Variants in GPC3 observed in about 807,000 individuals in gnomAD.
The protein encoded by GPC3 is glypican-3.
GPC3 carries 3 observed loss-of-function variants against 34.4 expected under a neutral mutation model. That is an observed-to-expected ratio of 0.09 (90% confidence interval 0.04 to 0.23). GPC3 has a LOEUF of 0.23. Among genes scored for constraint, GPC3 ranks in the 10% least tolerant of loss-of-function variants. The pLI is 1.00. For missense variants in GPC3, 351 were observed against 445.6 expected, an observed-to-expected ratio of 0.79 and a Z score of 1.91; for synonymous variants, 177 against 174.0, an observed-to-expected ratio of 1.02 and a Z score of -0.13.
chrX:133,809,595 C>A lies in GPC3; in HGVS notation c.338-55419G>T, dbSNP rs1234537124. ...CTGTTGGCCACAGAACATCCTCCTA[C>A]TCAGAGTCATTAGACAAATGAAAGG... On this transcript the variant is annotated intron_variant, in intron 2 of 7. Coordinates refer to ENST00000370818, the MANE Select transcript of GPC3 (RefSeq NM_004484.4). Among the ~76,000 whole-genome samples the A allele has an allele frequency of 2.7e-5, 3 of 111,740 alleles. No individual in the cohort carries two copies. The Admixed American group carries it at 2.8e-4, about 11-fold the overall frequency.
At position 133,849,084 on chromosome X, in the gene GPC3, CTTTTTTTT is replaced by C. The variant is rs60339728; in HGVS notation, c.338-94916_338-94909del. Among the ~76,000 whole-genome samples, 426 of 46,247 alleles carry C rather than the reference CTTTTTTTT, an allele frequency of 9.2e-3. 2 individuals carry two copies. Among genetic ancestry groups the C allele is most frequent in the African/African-American group, 0.033 (339 of 10,161 alleles). The allele number at this position is 46,247 out of a possible 115,157, so 40.2% of individuals were successfully genotyped here. A position where few individuals can be genotyped will look rare whatever the true frequency, so the allele number is the denominator to read the frequency against. ...AGATTACTAAGGAAAACTAAAGTTTCTTTTTTTTTTTTTTTTTTTTTTTTTTTTGAGAC... is the reference window on the plus strand; with the variant it reads ...AGATTACTAAGGAAAACTAAAGTTTCTTTTTTTTTTTTTTTTTTTTGAGAC... On this transcript the variant is annotated intron_variant, in intron 2 of 7. Coordinates refer to ENST00000370818, the MANE Select transcript of GPC3 (RefSeq NM_004484.4).
chrX:133,822,745 A>G, intron 2 of GPC3, among the ~76,000 whole-genome samples: 1 of 111,424 alleles, frequency 9.0e-6, no homozygotes, highest in Non-Finnish European at 1.9e-5. Flanking sequence ...GATGAAATTA[A>G]ACTAATTACC....
At chrX:133,591,100 G>A (rs889867846) in intron 7 of GPC3, among the ~76,000 whole-genome samples, 2 of 112,146 alleles carry the variant, frequency 1.8e-5, no homozygotes, top group South Asian at 3.8e-4. Flanking sequence ...GAAGCCAGCC[G>A]ATAGAGCTAC....
At chrX:133,729,763 T>A (rs1005427402) in intron 3 of GPC3, among the ~76,000 whole-genome samples, 3 of 112,326 alleles carry the variant, frequency 2.7e-5, no homozygotes, top group Non-Finnish European at 5.6e-5. Flanking sequence ...AGAATCTTCA[T>A]ACACATTGTC....
At chrX:133,750,060 G>A (rs34720263) in intron 3 of GPC3, among the ~76,000 whole-genome samples, 1 of 111,545 alleles carries the variant, frequency 9.0e-6, no homozygotes, top group Non-Finnish European at 1.9e-5. Flanking sequence ...GTTTAGTTCA[G>A]GCATTCCCCG....
At chrX:133,806,351 T>C (rs796940883) in intron 2 of GPC3, among the ~76,000 whole-genome samples, 21 of 111,919 alleles carry the variant, frequency 1.9e-4, no homozygotes, top group Non-Finnish European at 3.9e-4. Context: ...TAGAATTCTT[T>C]GGGCCTATCT....
chrX:133,701,341 G>C (rs1433458841), intron 3 of GPC3, among the ~76,000 whole-genome samples: 1 of 111,967 alleles, frequency 8.9e-6, no homozygotes, highest in African/African-American at 3.2e-5. Flanking sequence ...TTGAGGCTTA[G>C]GGAGTTAAGT....
chrX:133,638,724 G>A (rs1308320645), intron 6 of GPC3, among the ~76,000 whole-genome samples: 1 of 109,661 alleles, frequency 9.1e-6, no homozygotes, highest in Non-Finnish European at 1.9e-5. Flanking sequence ...TTTTAAATCA[G>A]GGGTGTACAA....
intron 2 of GPC3, among the ~76,000 whole-genome samples, chrX:133,766,183 A>G (rs184981389): frequency 8.9e-6 from 1 of 112,168 alleles, no homozygotes; most frequent in Admixed American, 9.4e-5. Flanking sequence ...ACATTAGGTA[A>G]AGTCAGCAAC....
In GPC3 at chrX:133,841,215, ATTT is replaced by A. The variant is rs769696321; in HGVS notation, c.338-87042_338-87040del. On this transcript the variant is annotated intron_variant, in intron 2 of 7. Coordinates refer to ENST00000370818, the MANE Select transcript of GPC3 (RefSeq NM_004484.4). ...ACCACCATGCCTGGCTAATCTTTTA[ATTT>A]TTTTTTTTTTTTTTTTTTTTGGTAG... Among the ~76,000 whole-genome samples the A allele has an allele frequency of 8.8e-3, 347 of 39,239 alleles. 4 individuals carry two copies. Among genetic ancestry groups the A allele is most frequent in the African/African-American group, 0.023 (331 of 14,326 alleles). The allele number at this position is 39,239 out of a possible 115,157, so 34.1% of individuals were successfully genotyped here.
chrX:133,605,491 A>T (rs1056648526), intron 6 of GPC3, among the ~76,000 whole-genome samples: 1 of 112,461 alleles, frequency 8.9e-6, no homozygotes, highest in Non-Finnish European at 1.9e-5. Context: ...AAGGGATAAA[A>T]GTGTGTTCGG....
At chrX:133,573,189 C>T (rs1406853586) in intron 7 of GPC3, among the ~76,000 whole-genome samples, 1 of 111,427 alleles carries the variant, frequency 9.0e-6, no homozygotes, top group Admixed American at 9.5e-5. Flanking sequence ...ATAGAAAAAG[C>T]ATTTGACAAA....
chrX:133,717,537 G>A (rs1015181927), intron 3 of GPC3, among the ~76,000 whole-genome samples: 6 of 111,054 alleles, frequency 5.4e-5, no homozygotes, highest in African/African-American at 1.6e-4. Context: ...GTTCTGTTCC[G>A]TTCTAATTAC....
chrX:133,832,419 T>C (rs968684794), intron 2 of GPC3, among the ~76,000 whole-genome samples: 18 of 109,116 alleles, frequency 1.6e-4, no homozygotes, highest in African/African-American at 5.7e-4. Flanking sequence ...GGCTACTAGA[T>C]CTTTAGGAGA....
intron 4 of GPC3, among the ~76,000 whole-genome samples, chrX:133,699,087 C>T (rs751582981): frequency 8.9e-6 from 1 of 111,845 alleles, no homozygotes; most frequent in South Asian, 3.8e-4. Flanking sequence ...CCTTTCTTTT[C>T]CTTGGAGGAT....
At chrX:133,715,650 TC>T (rs2071306219) in intron 3 of GPC3, among the ~76,000 whole-genome samples, 1 of 111,185 alleles carries the variant, frequency 9.0e-6, no homozygotes, top group Admixed American at 9.6e-5. Context: ...TCTGCTGAAC[TC>T]AATTAGAGGT....
chrX:133,936,231 A>ATAT (rs2076323069), intron 2 of GPC3, among the ~76,000 whole-genome samples: 1 of 107,828 alleles, frequency 9.3e-6, no homozygotes, highest in Non-Finnish European at 1.9e-5. Flanking sequence ...AATAATAATA[A>ATAT]TAATAAAGTG....
In GPC3 at chrX:133,785,724, G is replaced by A. The variant is rs189967340; in HGVS notation, c.338-31548C>T. 7.1e-5 allele frequency among the ~76,000 whole-genome samples: 8 copies of A among 111,932 alleles called. No homozygotes were observed. The East Asian group carries it at 2.0e-3, about 28-fold the overall frequency. On this transcript the variant is annotated intron_variant, in intron 2 of 7. Transcript: ENST00000370818. ...ATTGGCAATGCCTCTGAAAGATATC[G>A]ATGTAATAAAATGACATGATGTCTA...
intron 2 of GPC3, among the ~76,000 whole-genome samples, chrX:133,919,660 A>C (rs991711680): frequency 9.1e-6 from 1 of 109,524 alleles, no homozygotes; most frequent in Non-Finnish European, 1.9e-5. Context: ...CATCTCTGTG[A>C]AAATTTAAAA....
Sources: gnomAD v4.1 joint callset for allele counts (sites outside exome capture counted in the v4.1 genomes callset) on GRCh38, gnomAD v4.1.1 for gene constraint, MANE v1.5 for transcripts, NCBI Gene and HGNC (gene_info 2026-07-23, HGNC 2026-07-21) for gene names.